STK10: variants seen among roughly 807,000 people sequenced by gnomAD.
STK10 encodes serine/threonine kinase 10, also known as serine/threonine-protein kinase 10.
STK10 carries 78 observed loss-of-function variants against 113.8 expected under a neutral mutation model. That is an observed-to-expected ratio of 0.69 (90% confidence interval 0.57 to 0.83). The LOEUF is 0.83. STK10 is among the 40% of genes least tolerant of loss of function. STK10 has a pLI of 0.00. For synonymous variants in STK10, 465 were observed against 494.7 expected (o/e 0.94, Z 0.80); for missense variants, 1,109 against 1,280.1 (o/e 0.87, Z 2.04).
rs116695024 is a variant in STK10 at position 172,159,368 on chromosome 5, G to A, written c.157-2580C>T. On this transcript the variant is annotated intron_variant, in intron 1 of 18. Transcript: ENST00000176763. Reference sequence around the variant, plus strand: ...AGCCCAGGCAACAGAGCGAAATCCCGCCTCTACAAAAAAAAATGCAAAAAC... The same window carrying A: ...AGCCCAGGCAACAGAGCGAAATCCCACCTCTACAAAAAAAAATGCAAAAAC... Among the ~76,000 whole-genome samples, 822 of 152,086 alleles carry A rather than the reference G, an allele frequency of 5.4e-3. 6 individuals are homozygous for A. The highest frequency in any genetic ancestry group is 0.018 in the African/African-American group (753 of 41,488).
chr5:172,151,132 G>C (rs143599594), intron 2 of STK10, among the ~76,000 whole-genome samples: 2 of 152,320 alleles, frequency 1.3e-5, no homozygotes, highest in Non-Finnish European at 2.9e-5. Context: ...TGTGTGCCCA[G>C]CCCTGTTATA....
rs1767730650 is a variant in STK10, at chr5:172,055,585, C to T, written c.2526+3G>A. The T allele has an allele frequency of 2.0e-6, 3 of 1,474,272 alleles. No homozygotes were observed. The highest frequency in any genetic ancestry group is 4.6e-5 in the Admixed American group (2 of 43,882). 91.3% of individuals were successfully genotyped at this position (1,474,272 alleles called of 1,614,324 possible). ...TTGCAGACCCCGCAGGCCCGGCCCCCACCTGCTTGATCTTCTCACGCTGCT... is the reference window on the plus strand; with the variant it reads ...TTGCAGACCCCGCAGGCCCGGCCCCTACCTGCTTGATCTTCTCACGCTGCT... On this transcript the variant is annotated splice_donor_region_variant and intron_variant, in intron 16 of 18. Coordinates refer to ENST00000176763, the MANE Select transcript of STK10 (RefSeq NM_005990.4).
chr5:172,155,608 AAAAG>A (rs1156929168), intron 2 of STK10, among the ~76,000 whole-genome samples: 2 of 152,118 alleles, frequency 1.3e-5, no homozygotes, highest in Non-Finnish European at 2.9e-5. Flanking sequence ...AAAAATAAAA[AAAAG>A]AAAGAAAGAA....
chr5:172,131,758 C>G lies in STK10; in HGVS notation c.322-4337G>C, dbSNP rs185953362. On this transcript the variant is annotated intron_variant, in intron 2 of 18. Transcript: ENST00000176763. ...AATACATGGGGTTTAATTAATAAAACAATAGTCTCAACAGTAACAGATAAA... is the reference window on the plus strand; with the variant it reads ...AATACATGGGGTTTAATTAATAAAAGAATAGTCTCAACAGTAACAGATAAA... Among the ~76,000 whole-genome samples, 242 of 152,250 alleles carry G rather than the reference C, an allele frequency of 1.6e-3. 1 individual carries two copies. Among genetic ancestry groups the G allele is most frequent in the African/African-American group, 5.5e-3 (229 of 41,530 alleles).
intron 2 of STK10, among the ~76,000 whole-genome samples, chr5:172,143,056 C>T (rs1374903904): frequency 3.3e-5 from 5 of 152,194 alleles, no homozygotes; most frequent in South Asian, 4.1e-4. Context: ...ACTTTTACAG[C>T]GTATAGGCAG....
At chr5:172,073,793 C>CAAAA (rs60492751) in intron 12 of STK10, among the ~76,000 whole-genome samples, 1,496 of 58,358 alleles carry the variant, frequency 0.026, 60 homozygotes, top group African/African-American at 0.078. Context: ...CTAAAAATAG[C>CAAAA]AAAAAAAAAA....
In STK10 at chr5:172,153,288, A is replaced by AG. The variant is rs1554123012; in HGVS notation, c.321+3335_321+3336insC. 8.5e-5 allele frequency among the ~76,000 whole-genome samples: 12 copies of AG among 141,996 alleles called. 2 individuals carry two copies. Among genetic ancestry groups the AG allele is most frequent in the African/African-American group, 3.2e-4 (11 of 34,902 alleles). 93.2% of individuals were successfully genotyped at this position (141,996 alleles called of 152,430 possible). A position where few individuals can be genotyped will look rare whatever the true frequency, so the allele number is the denominator to read the frequency against. On this transcript the variant is annotated intron_variant, in intron 2 of 18. Transcript: ENST00000176763. ...GCAACAGGAGCAAAACTCCATCTCA[A>AG]AAAGAAAGAAAGAAAGAAAGAAAGA... is the stretch of plus-strand genomic sequence containing the variant.
chr5:172,153,483 T>C (rs1302604711), intron 2 of STK10, among the ~76,000 whole-genome samples: 3 of 152,166 alleles, frequency 2.0e-5, no homozygotes, highest in Non-Finnish European at 4.4e-5. Flanking sequence ...TGAACAAAAA[T>C]GAGCTAATCT....
chr5:172,167,605 C>A (rs978856379), intron 1 of STK10, among the ~76,000 whole-genome samples: 2 of 152,222 alleles, frequency 1.3e-5, no homozygotes, highest in African/African-American at 4.8e-5. Flanking sequence ...TTGCCTTACA[C>A]GTTCCAGAGA....
At chr5:172,181,964 G>T (rs998333032) in intron 1 of STK10, among the ~76,000 whole-genome samples, 7 of 152,054 alleles carry the variant, frequency 4.6e-5, no homozygotes, top group African/African-American at 1.7e-4. Flanking sequence ...CTTAATTGCT[G>T]CTATTTGTTT....
intron 18 of STK10, among the ~76,000 whole-genome samples, chr5:172,048,892 G>A (rs575785119): frequency 1.1e-3 from 166 of 150,980 alleles, no homozygotes; most frequent in African/African-American, 3.3e-3. Context: ...CTCTCCGGCC[G>A]CAGGGGTCTC....
intron 9 of STK10, among the ~76,000 whole-genome samples, chr5:172,091,393 C>T (rs1441347038): frequency 6.6e-6 from 1 of 152,180 alleles, no homozygotes; most frequent in African/African-American, 2.4e-5. Context: ...TGTGCAGGTG[C>T]CACCTGGGAT....
At chr5:172,051,833 C>T (rs1238797983) in intron 18 of STK10, among the ~76,000 whole-genome samples, 1 of 152,058 alleles carries the variant, frequency 6.6e-6, no homozygotes, top group Non-Finnish European at 1.5e-5. Context: ...TTGGTATTGA[C>T]CATGCCAGCA....
chr5:172,105,219 C>G (rs1769071797), intron 7 of STK10, among the ~76,000 whole-genome samples: 1 of 146,066 alleles, frequency 6.8e-6, no homozygotes, highest in East Asian at 2.1e-4. Flanking sequence ...TGCTGCTGTC[C>G]CAGGCGTTTG....
At chr5:172,166,030 T>G (rs1770565878) in intron 1 of STK10, among the ~76,000 whole-genome samples, 1 of 152,222 alleles carries the variant, frequency 6.6e-6, no homozygotes, top group Non-Finnish European at 1.5e-5. Context: ...CGACCTCAAG[T>G]GATCCGCCCA....
intron 2 of STK10, among the ~76,000 whole-genome samples, chr5:172,142,820 C>G (rs111961846): frequency 0.012 from 1,862 of 152,296 alleles, 16 homozygotes; most frequent in Middle Eastern, 0.02. Flanking sequence ...TGGCAGAGAT[C>G]TAAGCACCCC....
At chr5:172,052,204 T>C (rs974167054) in intron 18 of STK10, among the ~76,000 whole-genome samples, 2 of 152,196 alleles carry the variant, frequency 1.3e-5, no homozygotes, top group African/African-American at 4.8e-5. Flanking sequence ...TCTGAATGCA[T>C]GCTGGCTATT....
chr5:172,154,300 G>T (rs1770300942), intron 2 of STK10, among the ~76,000 whole-genome samples: 2 of 152,188 alleles, frequency 1.3e-5, no homozygotes, highest in Admixed American at 6.6e-5. Context: ...AAAGATGGAG[G>T]GATAAGTCTT....
At chr5:172,056,984 A>AAAGAAAGG in intron 15 of STK10, 1 of 102,076 alleles carries the variant, frequency 9.8e-6, no homozygotes, top group Admixed American at 1.0e-4. Flanking sequence ...AGAAAGAAAG[A>AAAGAAAGG]AAGAAAGAAA....
Sources: gnomAD v4.1 joint callset for allele counts (sites outside exome capture counted in the v4.1 genomes callset) on GRCh38, gnomAD v4.1.1 for gene constraint, MANE v1.5 for transcripts, NCBI Gene and HGNC (gene_info 2026-07-23, HGNC 2026-07-21) for gene names.